Variants in WLS observed in about 807,000 individuals in gnomAD.
WLS encodes the protein protein wntless homolog.
In WLS, 23 loss-of-function variants were observed where a neutral mutation model predicts 62.8. The ratio of observed to expected loss-of-function variants is 0.37; its 90% CI spans 0.26 to 0.52. WLS has a LOEUF of 0.52. WLS is among the 20% of genes least tolerant of loss of function. WLS has a pLI of 0.92. For synonymous variants in WLS, 246 were observed against 244.1 expected (o/e 1.01, Z -0.07); for missense variants, 615 against 697.3 (o/e 0.88, Z 1.33).
chr1:68,190,845 G>C (rs1170604752), intron 2 of WLS, among the ~76,000 whole-genome samples: 1 of 152,142 alleles, frequency 6.6e-6, no homozygotes, highest in Non-Finnish European at 1.5e-5. Context: ...ATCACCTGAG[G>C]TCGGGAGTTC....
At chr1:68,157,271 C>G (rs1646911376) in intron 3 of WLS, among the ~76,000 whole-genome samples, 1 of 152,360 alleles carries the variant, frequency 6.6e-6, no homozygotes, top group African/African-American at 2.4e-5. Flanking sequence ...CGATGGGTCT[C>G]TGGGTGCCCC....
At chr1:68,141,456 T>G (rs945082285) in intron 10 of WLS, 1 of 152,202 alleles carries the variant, frequency 6.6e-6, no homozygotes, top group Non-Finnish European at 1.5e-5. Flanking sequence ...GACTGCGATG[T>G]ACCATCTCTT....
At chr1:68,177,813 G>A (rs1168072064) in intron 2 of WLS, among the ~76,000 whole-genome samples, 1 of 152,124 alleles carries the variant, frequency 6.6e-6, no homozygotes, top group Non-Finnish European at 1.5e-5. Context: ...CTTATATTGA[G>A]CATTTACTAT....
intron 2 of WLS, among the ~76,000 whole-genome samples, chr1:68,183,295 G>A (rs1647697925): frequency 6.6e-6 from 1 of 152,130 alleles, no homozygotes; most frequent in Admixed American, 6.5e-5. Flanking sequence ...TAGTAGTAGG[G>A]GTGGGAGAGT....
chr1:68,204,351 G>T (rs983566132), intron 1 of WLS, among the ~76,000 whole-genome samples: 3 of 151,922 alleles, frequency 2.0e-5, no homozygotes, highest in Admixed American at 6.6e-5. Context: ...ACGGAGTCTC[G>T]CTCTGTCGTC....
intron 11 of WLS, among the ~76,000 whole-genome samples, chr1:68,131,886 T>G (rs1423563096): frequency 6.6e-6 from 1 of 152,156 alleles, no homozygotes; most frequent in Non-Finnish European, 1.5e-5. Flanking sequence ...GAAGACCACG[T>G]GAAGACACAG....
At chr1:68,134,554 A>T (rs955375231) in intron 11 of WLS, among the ~76,000 whole-genome samples, 2 of 152,256 alleles carry the variant, frequency 1.3e-5, no homozygotes, top group Admixed American at 1.3e-4. Flanking sequence ...TTTCACAGGC[A>T]GGACATTTCT....
At chr1:68,165,353 G>T (rs893224680) in intron 2 of WLS, among the ~76,000 whole-genome samples, 1 of 152,092 alleles carries the variant, frequency 6.6e-6, no homozygotes, top group Non-Finnish European at 1.5e-5. Flanking sequence ...TATAGGACAA[G>T]AAGACTCCCA....
At chr1:68,153,445 C>A in intron 5 of WLS, 72 bp downstream of exon 5, 1 of 1,596,162 alleles carries the variant, frequency 6.3e-7, no homozygotes, top group Non-Finnish European at 8.6e-7. Flanking sequence ...AACTGGACAC[C>A]AGCAAAAGCA....
At chr1:68,153,372 G>C (rs1198859636) in intron 5 of WLS, 145 bp downstream of exon 5, 2 of 1,048,004 alleles carry the variant, frequency 1.9e-6, no homozygotes, top group Non-Finnish European at 2.7e-6. Flanking sequence ...AACTGCAGGA[G>C]AAAAAGGAGT....
At chr1:68,103,875 G>C (rs910337376) in intron 11 of WLS, among the ~76,000 whole-genome samples, 1 of 152,200 alleles carries the variant, frequency 6.6e-6, no homozygotes, top group African/African-American at 2.4e-5. Flanking sequence ...AAACAGCCCT[G>C]ATTGTTAGAA....
intron 10 of WLS, among the ~76,000 whole-genome samples, chr1:68,143,109 T>C (rs1646707775): frequency 6.6e-6 from 1 of 152,132 alleles, no homozygotes; most frequent in South Asian, 2.1e-4. Context: ...TTCGAAGTAT[T>C]TTATTTTACT....
chr1:68,118,668 GTT>G (rs955617206), intron 11 of WLS, among the ~76,000 whole-genome samples: 10 of 151,652 alleles, frequency 6.6e-5, no homozygotes, highest in African/African-American at 1.9e-4. Context: ...AAGGTCAGGA[GTT>G]CGAGACCAGC....
chr1:68,225,800 T>C (rs1650117924), intron 1 of WLS, among the ~76,000 whole-genome samples: 2 of 152,188 alleles, frequency 1.3e-5, no homozygotes, highest in Admixed American at 1.3e-4. Flanking sequence ...CAACCTCCAC[T>C]GATTCTTTCT....
chr1:68,231,909 C>T, intron 1 of WLS: 1 of 486,708 alleles, frequency 2.1e-6, no homozygotes, highest in Non-Finnish European at 3.9e-6. Context: ...CTTCCTCGCG[C>T]GATCCGTCGC....
intron 2 of WLS, among the ~76,000 whole-genome samples, chr1:68,161,576 C>G (rs928393633): frequency 6.6e-6 from 1 of 152,208 alleles, no homozygotes; most frequent in Non-Finnish European, 1.5e-5. Context: ...TCAGCGCTTC[C>G]GTAAGCAGAC....
intron 11 of WLS, among the ~76,000 whole-genome samples, chr1:68,099,306 G>C (rs1646048027): frequency 6.6e-6 from 1 of 152,168 alleles, no homozygotes; most frequent in African/African-American, 2.4e-5. Context: ...GGTGAAGAAT[G>C]AAAGAAAAAC....
At chr1:68,171,375 T>C (rs988939847) in intron 2 of WLS, among the ~76,000 whole-genome samples, 8 of 151,790 alleles carry the variant, frequency 5.3e-5, no homozygotes, top group African/African-American at 1.7e-4. Flanking sequence ...TCAGAGTAAA[T>C]AGGCAACTAC....
intron 2 of WLS, among the ~76,000 whole-genome samples, chr1:68,175,971 G>T (rs564407528): frequency 5.9e-5 from 9 of 152,300 alleles, no homozygotes; most frequent in African/African-American, 2.2e-4. Flanking sequence ...GGAAAGCTTT[G>T]TTTCTGACAA....
Sources: gnomAD v4.1 joint callset for allele counts (sites outside exome capture counted in the v4.1 genomes callset) on GRCh38, gnomAD v4.1.1 for gene constraint, MANE v1.5 for transcripts, NCBI Gene and HGNC (gene_info 2026-07-23, HGNC 2026-07-21) for gene names.